The following RAB3C variants were observed in gnomAD, a reference collection of about 807,000 sequenced individuals.
The protein encoded by RAB3C is ras-related protein Rab-3C.
In RAB3C, 17 loss-of-function variants were observed where a neutral mutation model predicts 26.4. The observed-to-expected ratio is 0.64, with a 90% CI of 0.44 to 0.97. The LOEUF is 0.97. Ranked by LOEUF, RAB3C falls within the 50% of genes least tolerant of loss-of-function variation. The pLI is 0.00. For synonymous variants in RAB3C, 91 were observed against 95.9 expected, an observed-to-expected ratio of 0.95 and a Z score of 0.30; for missense variants, 242 against 281.9, an observed-to-expected ratio of 0.86 and a Z score of 1.01.
At chr5:58,679,440 C>CT (rs1748301825) in intron 2 of RAB3C, among the ~76,000 whole-genome samples, 1 of 152,170 alleles carries the variant, frequency 6.6e-6, no homozygotes, top group South Asian at 2.1e-4. Context: ...ATTTGGAGCG[C>CT]TTCAATCTCA....
chr5:58,806,704 T>C (rs1230205953), intron 3 of RAB3C, among the ~76,000 whole-genome samples: 2 of 152,100 alleles, frequency 1.3e-5, no homozygotes, highest in African/African-American at 2.4e-5. Context: ...ACCAAAAATG[T>C]TTCCAGACAG....
chr5:58,590,532 C>CTTATTTATTTATTTATTTATTTAT (rs34521886), intron 1 of RAB3C, among the ~76,000 whole-genome samples: 19 of 151,312 alleles, frequency 1.3e-4, no homozygotes, highest in Admixed American at 4.0e-4. Flanking sequence ...ATTTGGTTCA[C>CTTATTTATTTATTTATTTATTTAT]TTATTTATTT....
chr5:58,683,846 C>T (rs1318725871), intron 2 of RAB3C, among the ~76,000 whole-genome samples: 1 of 152,156 alleles, frequency 6.6e-6, no homozygotes. Flanking sequence ...TATCGCAGTG[C>T]TTGCATTTGA....
rs546144423 is a variant in RAB3C at position 58,649,592 on chromosome 5, A to C, written c.252+31722A>C. Among the ~76,000 whole-genome samples, 30 of 151,912 alleles carry C rather than the reference A, an allele frequency of 2.0e-4. No individual in the cohort carries two copies. In the South Asian group the frequency reaches 5.2e-3, roughly 26 times the overall value. ...CCCCAGAGGAGCCCCACATTCTCTTAACCACCCCAGAGGAGGCTCCAAGGC... is the reference window on the plus strand; with the variant it reads ...CCCCAGAGGAGCCCCACATTCTCTTCACCACCCCAGAGGAGGCTCCAAGGC... On this transcript the variant is annotated intron_variant, in intron 2 of 4. Coordinates refer to ENST00000282878, the MANE Select transcript of RAB3C (RefSeq NM_138453.4).
chr5:58,646,451 C>T (rs980369006), intron 2 of RAB3C, among the ~76,000 whole-genome samples: 4 of 150,714 alleles, frequency 2.7e-5, no homozygotes, highest in Admixed American at 2.6e-4. Context: ...AAGGTTTTCT[C>T]GGTGGAAAAA....
chr5:58,592,186 A>G (rs1224157240), intron 1 of RAB3C, among the ~76,000 whole-genome samples: 1 of 152,156 alleles, frequency 6.6e-6, no homozygotes, highest in African/African-American at 2.4e-5. Flanking sequence ...GGCGTGAGCC[A>G]CTGCACCCAG....
intron 2 of RAB3C, among the ~76,000 whole-genome samples, chr5:58,670,315 GT>G (rs79580236): frequency 1.4e-3 from 206 of 146,820 alleles, no homozygotes; most frequent in African/African-American, 1.8e-3. Context: ...CCAAAGGATA[GT>G]TTTTTTTTTT....
At chr5:58,769,681 A>G (rs1741992006) in intron 3 of RAB3C, among the ~76,000 whole-genome samples, 1 of 152,198 alleles carries the variant, frequency 6.6e-6, no homozygotes, top group African/African-American at 2.4e-5. Context: ...ATTCAACTGC[A>G]TCCTCATATA....
chr5:58,782,920 A>G (rs768739874), intron 3 of RAB3C, among the ~76,000 whole-genome samples: 28 of 152,114 alleles, frequency 1.8e-4, no homozygotes, highest in Non-Finnish European at 3.4e-4. Context: ...CTTTGATTGT[A>G]CTATGTCCCA....
At chr5:58,836,943 T>C (rs1593029) in intron 4 of RAB3C, among the ~76,000 whole-genome samples, 88,732 of 152,032 alleles carry the variant, frequency 0.58, 26,098 homozygotes, top group Middle Eastern at 0.71. Context: ...TCCAGTTTTT[T>C]TGAGACACCT....
chr5:58,799,243 C>T (rs755890883), intron 3 of RAB3C, among the ~76,000 whole-genome samples: 6 of 151,930 alleles, frequency 3.9e-5, no homozygotes, highest in Non-Finnish European at 7.4e-5. Flanking sequence ...ACAACCACTG[C>T]GAAGTGTTAT....
chr5:58,786,271 G>T (rs188780138), intron 3 of RAB3C, among the ~76,000 whole-genome samples: 58 of 152,258 alleles, frequency 3.8e-4, no homozygotes, highest in African/African-American at 1.4e-3. Flanking sequence ...AGCCCTTCCT[G>T]GGGTTTTGAA....
At chr5:58,845,612 A>ATATATATGTGTGTGTG in intron 4 of RAB3C, among the ~76,000 whole-genome samples, 13 of 81,660 alleles carry the variant, frequency 1.6e-4, no homozygotes, top group African/African-American at 4.1e-4. Context: ...ATATATATAT[A>ATATATATGTGTGTGTG]TGTGTGTGTG....
intron 3 of RAB3C, among the ~76,000 whole-genome samples, chr5:58,804,452 G>A (rs1742886966): frequency 6.6e-6 from 1 of 152,194 alleles, no homozygotes. Context: ...AACCCAGGGA[G>A]GGACATGAGC....
intron 3 of RAB3C, among the ~76,000 whole-genome samples, chr5:58,754,488 G>A (rs180743032): frequency 1.3e-5 from 2 of 152,202 alleles, no homozygotes; most frequent in East Asian, 3.9e-4. Flanking sequence ...GCGTGAATAT[G>A]GATACAGCCC....
intron 1 of RAB3C, among the ~76,000 whole-genome samples, chr5:58,613,892 A>G (rs1335362593): frequency 6.6e-6 from 1 of 152,026 alleles, no homozygotes; most frequent in East Asian, 1.9e-4. Flanking sequence ...GAGAAAGCTT[A>G]TGGAGCCCGA....
chr5:58,694,597 T>C (rs1423676716), intron 2 of RAB3C, among the ~76,000 whole-genome samples: 2 of 152,232 alleles, frequency 1.3e-5, no homozygotes, highest in African/African-American at 4.8e-5. Flanking sequence ...CAGCATCTGT[T>C]GTTTCCTGAC....
At chr5:58,644,722 G>A (rs141720929) in intron 2 of RAB3C, among the ~76,000 whole-genome samples, 1 of 152,284 alleles carries the variant, frequency 6.6e-6, no homozygotes, top group East Asian at 1.9e-4. Context: ...TTATTTTCAT[G>A]CTATTTCTGG....
intron 3 of RAB3C, among the ~76,000 whole-genome samples, chr5:58,730,676 G>A (rs143211815): frequency 6.6e-6 from 1 of 152,182 alleles, no homozygotes; most frequent in East Asian, 1.9e-4. Context: ...AAAAAAGCTT[G>A]CTGACTGTGA....
Sources: gnomAD v4.1 joint callset for allele counts (sites outside exome capture counted in the v4.1 genomes callset) on GRCh38, gnomAD v4.1.1 for gene constraint, MANE v1.5 for transcripts, NCBI Gene and HGNC (gene_info 2026-07-23, HGNC 2026-07-21) for gene names.